SDK1: variants seen among roughly 807,000 people sequenced by gnomAD.
SDK1 encodes the protein protein sidekick-1.
Under a neutral mutation model 245.5 loss-of-function variants are expected in SDK1, and 157 were observed. The ratio of observed to expected loss-of-function variants is 0.64; its 90% CI spans 0.56 to 0.73. SDK1 has a LOEUF of 0.73. SDK1 is among the 30% of genes least tolerant of loss of function. SDK1 has a pLI of 0.00. For synonymous variants in SDK1, 1,647 were observed against 1,278.5 expected, an observed-to-expected ratio of 1.29 and a Z score of -6.15; for missense variants, 3,583 against 3,002.3, an observed-to-expected ratio of 1.19 and a Z score of -4.52.
At chr7:4,024,546 C>T (rs991842992) in intron 17 of SDK1, among the ~76,000 whole-genome samples, 2 of 152,214 alleles carry the variant, frequency 1.3e-5, no homozygotes, top group African/African-American at 4.8e-5. Flanking sequence ...AGACAAAGGA[C>T]AGGAAGCTCA....
intron 14 of SDK1, among the ~76,000 whole-genome samples, chr7:3,998,982 C>G (rs1184381338): frequency 6.6e-6 from 1 of 152,198 alleles, no homozygotes; most frequent in East Asian, 1.9e-4. Context: ...CTTAGAACAT[C>G]TCCATCTCTT....
At chr7:3,481,593 C>T (rs994421440) in intron 1 of SDK1, among the ~76,000 whole-genome samples, 2 of 152,178 alleles carry the variant, frequency 1.3e-5, no homozygotes, top group African/African-American at 4.8e-5. Flanking sequence ...CTTGAACCAC[C>T]CTTCCTTCCC....
intron 1 of SDK1, among the ~76,000 whole-genome samples, chr7:3,508,293 C>G (rs190699347): frequency 6.6e-6 from 1 of 151,122 alleles, no homozygotes; most frequent in African/African-American, 2.4e-5. Flanking sequence ...TTACTCTTTC[C>G]TCTCTGACAT....
At chr7:3,890,374 C>T (rs1328196661) in intron 5 of SDK1, among the ~76,000 whole-genome samples, 1 of 152,216 alleles carries the variant, frequency 6.6e-6, no homozygotes, top group African/African-American at 2.4e-5. Context: ...AATGATCTCA[C>T]ATTTATGTTT....
intron 1 of SDK1, among the ~76,000 whole-genome samples, chr7:3,424,303 A>G (rs1030414986): frequency 1.6e-4 from 24 of 152,336 alleles, no homozygotes; most frequent in African/African-American, 5.3e-4. Context: ...GATAATCAGA[A>G]TAGCTTGATG....
At chr7:4,260,147 G>T (rs542234657) in intron 44 of SDK1, among the ~76,000 whole-genome samples, 42 of 149,528 alleles carry the variant, frequency 2.8e-4, no homozygotes, top group African/African-American at 9.9e-4. Flanking sequence ...TGGCTGCTCC[G>T]GGGTCTCTGT....
At chr7:4,161,971 G>A in intron 32 of SDK1, 115 bp downstream of exon 32, 1 of 887,234 alleles carries the variant, frequency 1.1e-6, no homozygotes, top group Non-Finnish European at 1.8e-6. Context: ...GCGTTTGAGA[G>A]TAGAACCAAG....
intron 1 of SDK1, among the ~76,000 whole-genome samples, chr7:3,408,455 T>A (rs1384724349): frequency 6.6e-6 from 1 of 152,252 alleles, no homozygotes; most frequent in Admixed American, 6.5e-5. Flanking sequence ...CTTTAATTAT[T>A]TTTAAATTTA....
chr7:3,547,677 G>A, intron 1 of SDK1, among the ~76,000 whole-genome samples: 1 of 152,162 alleles, frequency 6.6e-6, no homozygotes, highest in East Asian at 1.9e-4. Context: ...GACTGACTCT[G>A]TAGATCACTG....
chr7:3,811,627 G>C (rs1779386015), intron 4 of SDK1, among the ~76,000 whole-genome samples: 2 of 152,302 alleles, frequency 1.3e-5, no homozygotes, highest in Admixed American at 1.3e-4. Context: ...CTCTGCTGCT[G>C]CTGTTGGCCA....
chr7:3,812,890 T>C (rs1779419610), intron 4 of SDK1, among the ~76,000 whole-genome samples: 4 of 152,212 alleles, frequency 2.6e-5, no homozygotes, highest in Admixed American at 2.6e-4. Context: ...ACAACTCAGC[T>C]AGTGGTTTCT....
At position 3,327,539 on chromosome 7, in the gene SDK1, G is replaced by A. The variant is rs180674682; in HGVS notation, c.298+25655G>A. 7.2e-5 allele frequency among the ~76,000 whole-genome samples: 11 copies of A among 152,100 alleles called. No homozygotes were observed. In the South Asian group the frequency reaches 1.0e-3, roughly 14 times the overall value. ...CCATCTCTCCAAACAGGGATTTAGC[G>A]TTGAGATTTAAAGCGGTTTTGCCAT... On this transcript the variant is annotated intron_variant, in intron 1 of 44. Transcript: ENST00000404826.
rs151055842 is a variant in SDK1 at position 4,238,840 on chromosome 7, G to A, written c.6130+1056G>A. 9.3e-3 allele frequency among the ~76,000 whole-genome samples: 1,414 copies of A among 151,412 alleles called. 23 individuals carry two copies. Among genetic ancestry groups the A allele is most frequent in the African/African-American group, 0.033 (1,348 of 41,248 alleles). ...TGGGATTACAGGTGTGAGCCACCGC[G>A]CCCTGCCGAGATCCTGTCTCTTACA... On this transcript the variant is annotated intron_variant, in intron 42 of 44. Coordinates refer to ENST00000404826, the MANE Select transcript of SDK1 (RefSeq NM_152744.4).
chr7:4,121,487 G>A (rs969990390), intron 25 of SDK1, among the ~76,000 whole-genome samples: 4 of 152,190 alleles, frequency 2.6e-5, no homozygotes, highest in Admixed American at 2.0e-4. Flanking sequence ...GCTGGCATGT[G>A]AGGAAGTTCC....
chr7:3,640,501 G>A (rs535147969), intron 3 of SDK1, among the ~76,000 whole-genome samples: 110 of 152,304 alleles, frequency 7.2e-4, no homozygotes, highest in African/African-American at 2.4e-3. Flanking sequence ...GCCGAAGAAT[G>A]TTGCAGAATA....
chr7:3,424,345 G>A (rs2128581855), intron 1 of SDK1, among the ~76,000 whole-genome samples: 1 of 152,244 alleles, frequency 6.6e-6, no homozygotes, highest in East Asian at 1.9e-4. Flanking sequence ...GAATAATTAT[G>A]TTTAGATAAA....
chr7:3,928,244 A>G (rs1000901826), intron 5 of SDK1, among the ~76,000 whole-genome samples: 10 of 152,204 alleles, frequency 6.6e-5, no homozygotes, highest in African/African-American at 1.4e-4. Flanking sequence ...TTAAAGTACA[A>G]GTGGAGTTTT....
chr7:3,637,372 C>T (rs1039040928), intron 2 of SDK1, among the ~76,000 whole-genome samples: 23 of 152,316 alleles, frequency 1.5e-4, no homozygotes, highest in African/African-American at 4.1e-4. Context: ...GCTGGGATTA[C>T]AGGCAAGAGC....
chr7:3,798,509 A>G (rs1471138664), intron 4 of SDK1, among the ~76,000 whole-genome samples: 14 of 152,090 alleles, frequency 9.2e-5, no homozygotes, highest in East Asian at 5.8e-4. Flanking sequence ...GAACCACTGC[A>G]CCCAGCCAAA....
Sources: gnomAD v4.1 joint callset for allele counts (sites outside exome capture counted in the v4.1 genomes callset) on GRCh38, gnomAD v4.1.1 for gene constraint, MANE v1.5 for transcripts, NCBI Gene and HGNC (gene_info 2026-07-23, HGNC 2026-07-21) for gene names.